KDM4C: variants seen among roughly 807,000 people sequenced by gnomAD.
KDM4C encodes the protein lysine-specific demethylase 4C.
A neutral mutation model predicts 129.3 loss-of-function variants in KDM4C; 81 were observed. The observed-to-expected ratio is 0.63, with a 90% CI of 0.52 to 0.75. The LOEUF is 0.75. Ranked by LOEUF, KDM4C falls within the 30% of genes least tolerant of loss-of-function variation. The probability of loss-of-function intolerance (pLI) is 0.00; values close to 1 mark genes in which losing one functional copy is unlikely to be tolerated. For synonymous variants in KDM4C, 573 were observed against 456.1 expected (o/e 1.26, Z -3.26); for missense variants, 1,457 against 1,304.0 (o/e 1.12, Z -1.81).
At position 7,125,244 on chromosome 9, in the gene KDM4C, A is replaced by G. The variant is rs1385018472; in HGVS notation, c.2611-2822A>G. On this transcript the variant is annotated intron_variant, in intron 18 of 21. Coordinates refer to ENST00000381309, the MANE Select transcript of KDM4C (RefSeq NM_015061.6). ...GTTTCCTGCTTCTGGGCCTTTGGTC[A>G]TGCCTGTCACTCTGTCTGTCCTTGA... 2.0e-5 allele frequency among the ~76,000 whole-genome samples: 3 copies of G among 152,128 alleles called. No homozygotes were observed. The East Asian group carries it at 5.8e-4, about 29-fold the overall frequency.
At chr9:6,995,854 G>T (rs550809933) in intron 12 of KDM4C, among the ~76,000 whole-genome samples, 3 of 151,300 alleles carry the variant, frequency 2.0e-5, no homozygotes, top group African/African-American at 7.3e-5. Flanking sequence ...TGTATTTTTG[G>T]TAGAGATGGG....
intron 1 of KDM4C, among the ~76,000 whole-genome samples, chr9:6,743,343 A>T (rs1198187586): frequency 6.6e-6 from 1 of 152,124 alleles, no homozygotes; most frequent in Admixed American, 6.6e-5. Flanking sequence ...ACCCCGCACA[A>T]TTCAGGGCAC....
intron 2 of KDM4C, among the ~76,000 whole-genome samples, chr9:6,800,684 T>G (rs140036703): frequency 3.4e-4 from 52 of 152,200 alleles, no homozygotes; most frequent in African/African-American, 1.2e-3. Context: ...TGGAGCGCAG[T>G]GGTGTGATCT....
At chr9:6,992,903 A>G (rs1819013488) in intron 12 of KDM4C, among the ~76,000 whole-genome samples, 1 of 152,206 alleles carries the variant, frequency 6.6e-6, no homozygotes, top group Admixed American at 6.5e-5. Context: ...TCTCCCTAAC[A>G]GAAAGGCTGC....
intron 15 of KDM4C, among the ~76,000 whole-genome samples, chr9:7,031,907 C>G (rs1826847942): frequency 6.6e-6 from 1 of 152,196 alleles, no homozygotes; most frequent in Admixed American, 6.5e-5. Flanking sequence ...TCCCCTAGTA[C>G]TGCTAAATTT....
chr9:6,834,814 C>T, intron 4 of KDM4C: 1 of 1,373,310 alleles, frequency 7.3e-7, no homozygotes, highest in Non-Finnish European at 1.0e-6. Context: ...AGAAGATGAC[C>T]CAGATCATGT....
intron 4 of KDM4C, among the ~76,000 whole-genome samples, chr9:6,839,315 G>C (rs1836463560): frequency 6.6e-6 from 1 of 151,590 alleles, no homozygotes; most frequent in Non-Finnish European, 1.5e-5. Context: ...CTGCAGCCGT[G>C]ACCTCCTGGG....
chr9:6,818,212 C>A (rs1281123635), intron 4 of KDM4C, among the ~76,000 whole-genome samples: 1 of 152,136 alleles, frequency 6.6e-6, no homozygotes, highest in East Asian at 1.9e-4. Context: ...TGAAACATTT[C>A]CAATATTGCT....
At chr9:6,761,002 CTTTTTT>C (rs34391703) in intron 1 of KDM4C, among the ~76,000 whole-genome samples, 2 of 129,276 alleles carry the variant, frequency 1.5e-5, no homozygotes, top group African/African-American at 5.9e-5. Flanking sequence ...TCCTGGATGT[CTTTTTT>C]TTTTTTTTTT....
chr9:7,011,267 T>C (rs1282153148), intron 12 of KDM4C, among the ~76,000 whole-genome samples: 1 of 152,224 alleles, frequency 6.6e-6, no homozygotes, highest in African/African-American at 2.4e-5. Flanking sequence ...AGCCATGTAC[T>C]ATGTTAGATG....
intron 8 of KDM4C, among the ~76,000 whole-genome samples, chr9:6,964,186 C>T (rs1347606130): frequency 2.0e-5 from 3 of 152,114 alleles, no homozygotes; most frequent in East Asian, 3.9e-4. Flanking sequence ...GTGTGCTGCA[C>T]CCATTAACTC....
chr9:7,121,051 A>C (rs1839432738), intron 18 of KDM4C, among the ~76,000 whole-genome samples: 1 of 152,336 alleles, frequency 6.6e-6, no homozygotes, highest in African/African-American at 2.4e-5. Context: ...GTTATACATC[A>C]CTAACATTTT....
intron 4 of KDM4C, among the ~76,000 whole-genome samples, chr9:6,826,305 TTTTG>T (rs1244324450): frequency 1.3e-5 from 2 of 152,130 alleles, no homozygotes; most frequent in Admixed American, 6.5e-5. Flanking sequence ...AAAGTTACCT[TTTTG>T]TTAATATAAA....
chr9:7,013,637 TAA>T, intron 13 of KDM4C, 149 bp from the exon 14 acceptor site: 2 of 667,160 alleles, frequency 3.0e-6, no homozygotes. Flanking sequence ...AATATTGATT[TAA>T]AAAAAACTAG....
chr9:7,175,348 T>C lies in KDM4C; in HGVS notation c.*619T>C, dbSNP rs1845345411. 2 of 152,670 alleles carry C rather than the reference T, an allele frequency of 1.3e-5. No homozygotes were observed. The highest frequency in any genetic ancestry group is 2.9e-5 in the Non-Finnish European group (2 of 68,030). The allele number at this position is 152,670 out of a possible 1,614,324, so 9.5% of individuals were successfully genotyped here. ...ATTGTGTCTGATGGGAACTGAGTTG[T>C]TGGCCTTTGTGAAATGAAATTTTTG... On this transcript the variant is annotated 3_prime_UTR_variant, in exon 22 of 22. Coordinates refer to ENST00000381309, the MANE Select transcript of KDM4C (RefSeq NM_015061.6).
chr9:6,844,074 T>C (rs778101835), intron 4 of KDM4C, among the ~76,000 whole-genome samples: 1 of 152,278 alleles, frequency 6.6e-6, no homozygotes. Flanking sequence ...TGGGCTCAAG[T>C]GTTCATCCTG....
At position 6,812,465 on chromosome 9, in the gene KDM4C, A is replaced by T. The variant is rs28577880; in HGVS notation, c.321-2166A>T. ...TTTGTGGAAGATAATTTTTCTATGG[A>T]TGGGAGTGGTGGGATGGTTTCGGGA... On this transcript the variant is annotated intron_variant, in intron 3 of 21. Transcript: ENST00000381309. Among the ~76,000 whole-genome samples the T allele has an allele frequency of 4.7e-3, 710 of 152,196 alleles. 5 individuals are homozygous for T. The highest frequency in any genetic ancestry group is 0.014 in the African/African-American group (577 of 41,516).
intron 4 of KDM4C, among the ~76,000 whole-genome samples, chr9:6,839,788 G>C (rs1301482712): frequency 6.6e-6 from 1 of 151,924 alleles, no homozygotes. Context: ...TGTAATCCCA[G>C]CTACTCAGGA....
intron 3 of KDM4C, among the ~76,000 whole-genome samples, chr9:6,813,534 C>G (rs751783671): frequency 6.6e-6 from 1 of 152,160 alleles, no homozygotes; most frequent in Non-Finnish European, 1.5e-5. Context: ...ATTCTGTAGT[C>G]AATCTAAAAT....
Sources: gnomAD v4.1 joint callset for allele counts (sites outside exome capture counted in the v4.1 genomes callset) on GRCh38, gnomAD v4.1.1 for gene constraint, MANE v1.5 for transcripts, NCBI Gene and HGNC (gene_info 2026-07-23, HGNC 2026-07-21) for gene names.